NLK: variants seen among roughly 807,000 people sequenced by gnomAD.
NLK encodes the protein serine/threonine-protein kinase NLK.
NLK carries 11 observed loss-of-function variants against 59.0 expected under a neutral mutation model. That is an observed-to-expected ratio of 0.19 (90% CI 0.12 to 0.31). NLK has a LOEUF of 0.31. NLK is among the 10% of genes least tolerant of loss of function. The pLI, the probability that NLK is intolerant of heterozygous loss-of-function variation, is 1.00. For synonymous variants in NLK, 235 were observed against 235.9 expected (o/e 1.00, Z 0.03); for missense variants, 410 against 661.1 (o/e 0.62, Z 4.16).
At chr17:28,054,700 A>G (rs1172919774) in intron 1 of NLK, among the ~76,000 whole-genome samples, 1 of 152,244 alleles carries the variant, frequency 6.6e-6, no homozygotes, top group Non-Finnish European at 1.5e-5. Context: ...AATAATTTAC[A>G]GGAACTTTTA....
intron 1 of NLK, among the ~76,000 whole-genome samples, chr17:28,055,793 A>C (rs1008120309): frequency 5.3e-5 from 8 of 152,232 alleles, no homozygotes; most frequent in Middle Eastern, 3.2e-3. Flanking sequence ...TTTAGGGAAA[A>C]TAAACAGCTT....
At chr17:28,183,726 A>G (rs941140194) in intron 7 of NLK, among the ~76,000 whole-genome samples, 8 of 152,216 alleles carry the variant, frequency 5.3e-5, no homozygotes, top group Non-Finnish European at 1.0e-4. Flanking sequence ...CGGCAGGTCT[A>G]AAACCCATTA....
intron 6 of NLK, among the ~76,000 whole-genome samples, chr17:28,172,049 TAATA>T (rs1908483754): frequency 6.6e-6 from 1 of 151,246 alleles, no homozygotes; most frequent in South Asian, 2.1e-4. Context: ...ATCCTATATA[TAATA>T]AATAATATGT....
chr17:28,163,518 C>T (rs747368857), intron 4 of NLK, 25 bp from the exon 5 acceptor site: 1 of 1,333,336 alleles, frequency 7.5e-7, no homozygotes, highest in South Asian at 1.3e-5. Context: ...TAAATATCTG[C>T]AATTAAATCT....
chr17:28,141,278 T>G (rs1437723260), intron 3 of NLK, among the ~76,000 whole-genome samples: 4 of 152,216 alleles, frequency 2.6e-5, no homozygotes, highest in African/African-American at 9.6e-5. Flanking sequence ...CTTGTAGATT[T>G]TTGTTCTCTG....
intron 6 of NLK, 66 bp from the exon 7 acceptor site, chr17:28,172,451 G>T: frequency 8.9e-7 from 1 of 1,118,998 alleles, no homozygotes; most frequent in South Asian, 1.9e-5. Context: ...CTAAGGCTAT[G>T]ATTTAAGAGT....
chr17:28,071,854 C>T (rs1373348988), intron 1 of NLK, among the ~76,000 whole-genome samples: 2 of 152,232 alleles, frequency 1.3e-5, no homozygotes, highest in African/African-American at 4.8e-5. Context: ...GTTTCTCTTG[C>T]CCTGCTTTCA....
At chr17:28,109,948 TAA>T (rs1470230417) in intron 1 of NLK, among the ~76,000 whole-genome samples, 1 of 152,218 alleles carries the variant, frequency 6.6e-6, no homozygotes, top group Non-Finnish European at 1.5e-5. Flanking sequence ...ACCAGTAATG[TAA>T]AAGGGTTCCA....
At chr17:28,157,253 G>A (rs1907799055) in intron 3 of NLK, among the ~76,000 whole-genome samples, 1 of 151,886 alleles carries the variant, frequency 6.6e-6, no homozygotes, top group South Asian at 2.1e-4. Flanking sequence ...GTGCAGTGGT[G>A]CGATCTCAGC....
At chr17:28,196,990 G>A (rs1909500141), downstream of NLK, among the ~76,000 whole-genome samples, 1 of 152,086 alleles carries the variant, frequency 6.6e-6, no homozygotes, top group African/African-American at 2.4e-5. Flanking sequence ...CATTGAGGCA[G>A]TTGACTATTC....
At chr17:28,148,152 A>G (rs566491685) in intron 3 of NLK, among the ~76,000 whole-genome samples, 4 of 152,228 alleles carry the variant, frequency 2.6e-5, no homozygotes, top group South Asian at 4.1e-4. Context: ...TCTCCCATCA[A>G]AGGCCTGTCC....
intron 7 of NLK, among the ~76,000 whole-genome samples, chr17:28,173,325 T>G (rs1395500019): frequency 6.6e-6 from 1 of 152,108 alleles, no homozygotes; most frequent in Non-Finnish European, 1.5e-5. Flanking sequence ...CAGCAACAAA[T>G]TTTCCTGAGT....
chr17:28,194,099 A>G lies in NLK; in HGVS notation c.1530-483A>G, dbSNP rs191828698. ...AGAATGCTTATAAGGCCCATTCAAA[A>G]TAGGCCACTGTATTTTGAGAGGCTA... On this transcript the variant is annotated intron_variant, in intron 10 of 10. Transcript: ENST00000407008. 1.2e-4 allele frequency among the ~76,000 whole-genome samples: 18 copies of G among 152,368 alleles called. No individual in the cohort carries two copies. The East Asian group carries it at 2.9e-3, about 24-fold the overall frequency.
intron 1 of NLK, among the ~76,000 whole-genome samples, chr17:28,058,483 C>T (rs560725222): frequency 6.6e-6 from 1 of 152,242 alleles, no homozygotes; most frequent in Non-Finnish European, 1.5e-5. Context: ...ATGTTCTCTA[C>T]CCACCGATCC....
intron 1 of NLK, among the ~76,000 whole-genome samples, chr17:28,102,808 A>G (rs1358497217): frequency 6.6e-6 from 1 of 152,024 alleles, no homozygotes; most frequent in East Asian, 1.9e-4. Context: ...TCTGGCTTGC[A>G]TTTTTTTCTT....
intron 1 of NLK, among the ~76,000 whole-genome samples, chr17:28,088,156 G>A (rs1306623199): frequency 6.6e-6 from 1 of 152,124 alleles, no homozygotes; most frequent in African/African-American, 2.4e-5. Context: ...AGTTTAATCT[G>A]GAGACTTGAT....
chr17:28,130,618 CCT>C (rs746880470), intron 2 of NLK, among the ~76,000 whole-genome samples: 5 of 152,100 alleles, frequency 3.3e-5, no homozygotes, highest in South Asian at 2.1e-4. Context: ...TTCTAGATAA[CCT>C]CTAATTATAG....
intron 1 of NLK, among the ~76,000 whole-genome samples, chr17:28,101,861 T>C (rs894053850): frequency 4.6e-5 from 7 of 152,230 alleles, no homozygotes; most frequent in African/African-American, 1.2e-4. Flanking sequence ...CCCTGATAAA[T>C]TGTCCTTATA....
intron 1 of NLK, among the ~76,000 whole-genome samples, chr17:28,088,754 TTTCTAAC>T (rs1904372754): frequency 6.6e-6 from 1 of 152,160 alleles, no homozygotes; most frequent in Non-Finnish European, 1.5e-5. Context: ...ATCTGTACAT[TTTCTAAC>T]CCAGATCTGG....
Sources: allele counts gnomAD v4.1 joint callset (sites outside exome capture counted in the v4.1 genomes callset), GRCh38; gene constraint gnomAD v4.1.1; transcripts MANE v1.5; gene names NCBI Gene and HGNC (gene_info 2026-07-23, HGNC 2026-07-21).